The following RBM4 variants were observed in gnomAD, a reference collection of about 807,000 sequenced individuals.
RBM4 encodes the protein RNA-binding protein 4.
In RBM4, 7 loss-of-function variants were observed where a neutral mutation model predicts 29.5. That is an observed-to-expected ratio of 0.24 (90% CI 0.14 to 0.45). RBM4 has a LOEUF of 0.45. RBM4 is among the 20% of genes least tolerant of loss of function. RBM4 has a pLI of 1.00. For synonymous variants in RBM4, 220 were observed against 205.4 expected, an observed-to-expected ratio of 1.07 and a Z score of -0.61; for missense variants, 387 against 502.3, an observed-to-expected ratio of 0.77 and a Z score of 2.19.
intron 2 of RBM4, chr11:66,665,636 G>C: frequency 1.3e-6 from 2 of 1,534,984 alleles, no homozygotes. Context: ...GCCTGGCTCC[G>C]CGTACAAGCG....
At chr11:66,656,201 A>C (rs1019050808) in intron 2 of RBM4, among the ~76,000 whole-genome samples, 1 of 151,910 alleles carries the variant, frequency 6.6e-6, no homozygotes, top group Admixed American at 6.6e-5. Context: ...CAGTGGCACA[A>C]TCTCAGCTCA....
intron 2 of RBM4, among the ~76,000 whole-genome samples, chr11:66,655,909 T>A (rs1002057985): frequency 2.6e-5 from 4 of 152,112 alleles, no homozygotes; most frequent in African/African-American, 7.2e-5. Context: ...GTTTTTTTTT[T>A]AAACACCCTT....
At chr11:66,650,320 A>G (rs1298197351), downstream of RBM4, among the ~76,000 whole-genome samples, 1 of 152,222 alleles carries the variant, frequency 6.6e-6, no homozygotes, top group Non-Finnish European at 1.5e-5. Context: ...CTGTAATCCC[A>G]GCACTTTGGG....
intron 2 of RBM4, among the ~76,000 whole-genome samples, chr11:66,659,469 C>A (rs937108653): frequency 3.3e-5 from 5 of 151,624 alleles, no homozygotes; most frequent in Non-Finnish European, 5.9e-5. Context: ...AATTTAGAGA[C>A]GGGATTTCAC....
chr11:66,640,150 C>T, intron 2 of RBM4, 27 bp downstream of exon 2: 4 of 1,613,642 alleles, frequency 2.5e-6, no homozygotes, highest in South Asian at 1.1e-5. Context: ...GGGTAGAGGG[C>T]TGAACACAAG....
rs951148682 is a variant in RBM4, at chr11:66,646,034, G to A, written c.*16G>A. 29 of 1,536,056 alleles carry A rather than the reference G, an allele frequency of 1.9e-5. No homozygotes were observed. Among genetic ancestry groups the A allele is most frequent in the Non-Finnish European group, 2.3e-5 (26 of 1,146,928 alleles). On this transcript the variant is annotated 3_prime_UTR_variant, in exon 4 of 4. Coordinates refer to ENST00000310092, the MANE Select transcript of RBM4 (RefSeq NM_002896.4). Reference sequence around the variant, plus strand: ...TATTGTGCTCTCTTTCAGGTGGGATGTGTGTGGGCTGAAATTCCGAGCTGC... The same window carrying A: ...TATTGTGCTCTCTTTCAGGTGGGATATGTGTGGGCTGAAATTCCGAGCTGC...
At chr11:66,664,787 G>C (rs1939165853) in intron 2 of RBM4, among the ~76,000 whole-genome samples, 1 of 152,128 alleles carries the variant, frequency 6.6e-6, no homozygotes, top group Admixed American at 6.6e-5. Flanking sequence ...GGTAGAGACA[G>C]GGTTTCAACA....
Position 66,643,001 on chromosome 11 carries a change from C to CT in RBM4, c.413-445dup, listed in dbSNP as rs1938534374. Among the ~76,000 whole-genome samples, 1 of 152,108 alleles carries CT rather than the reference C, an allele frequency of 6.6e-6. No homozygotes were observed. Among genetic ancestry groups the CT allele is most frequent in the Admixed American group, 6.6e-5 (1 of 15,258 alleles). ...AATCATTGGAGTCTTTTATTCGGTTCTTTTAAATTTTTTGAGGAGGGTGGA... is the reference window on the plus strand; with the variant it reads ...AATCATTGGAGTCTTTTATTCGGTTCTTTTTAAATTTTTTGAGGAGGGTGGA... On this transcript the variant is annotated intron_variant, in intron 2 of 3. Coordinates refer to ENST00000310092, the MANE Select transcript of RBM4 (RefSeq NM_002896.4). The surrounding 1 kb of genome is among the most constrained non-coding windows in gnomAD (Gnocchi z 6.1).
Position 66,646,079 on chromosome 11 carries a change from C to G in RBM4, c.*61C>G, listed in dbSNP as rs755731119. 2.3e-5 allele frequency: 36 copies of G among 1,535,876 alleles called. No homozygotes were observed. In the East Asian group the frequency reaches 7.8e-4, roughly 33 times the overall value. On this transcript the variant is annotated 3_prime_UTR_variant, in exon 4 of 4. Coordinates refer to ENST00000310092, the MANE Select transcript of RBM4 (RefSeq NM_002896.4). ...AGCTGCGGTTGTGCATGAGAATACA[C>G]CCTTCGTGGTACCCCATCTCCGGGA...
chr11:66,644,109 CG>C lies in RBM4; in HGVS notation c.1075del (p.Ala359ArgfsTer9). The C allele has an allele frequency of 6.2e-7, 1 of 1,613,714 alleles. No individual in the cohort carries two copies. On this transcript the variant is annotated frameshift_variant, in exon 3 of 4. Transcript: ENST00000310092. LOFTEE classifies it high-confidence loss of function. ...GTATGAGCGGGAGCAGTATGCCGAT[CG>C]GGCGCGGTACTCAGCCTTTTAAAGC... The part of the protein sequence containing the change: ...ARYEREQYAD[R>X]ARYSAF
At chr11:66,641,973 GTTGC>G (rs1938485858) in intron 2 of RBM4, among the ~76,000 whole-genome samples, 1 of 152,204 alleles carries the variant, frequency 6.6e-6, no homozygotes, top group South Asian at 2.1e-4. Flanking sequence ...AATGTGCATA[GTTGC>G]TTGCTTAGTT....
At chr11:66,641,357 C>G (rs1379573449) in intron 2 of RBM4, among the ~76,000 whole-genome samples, 1 of 152,074 alleles carries the variant, frequency 6.6e-6, no homozygotes, top group Non-Finnish European at 1.5e-5. Flanking sequence ...ATCATTATTT[C>G]CCCTAGTAAT....
chr11:66,651,286 C>T (rs535976502), downstream of RBM4, among the ~76,000 whole-genome samples: 1 of 151,728 alleles, frequency 6.6e-6, no homozygotes, highest in African/African-American at 2.4e-5. Flanking sequence ...ATGGGAAGTC[C>T]CAGGACTCCC....
chr11:66,647,749 T>C (rs923687529), downstream of RBM4, among the ~76,000 whole-genome samples: 2 of 152,230 alleles, frequency 1.3e-5, no homozygotes, highest in African/African-American at 2.4e-5. Context: ...GTTTTAAGTG[T>C]TGGCGATACA....
chr11:66,643,405 A>G lies in RBM4; in HGVS notation c.413-45A>G, dbSNP rs752445936. 4 of 1,561,278 alleles carry G rather than the reference A, an allele frequency of 2.6e-6. No individual in the cohort carries two copies. Among genetic ancestry groups the G allele is most frequent in the East Asian group, 2.3e-5 (1 of 44,310 alleles). ...AGTGTCTGGGGTAGGGGCTGGGGCTATGACTAAGAGTGATAGCAACCCTTC... is the reference window on the plus strand; with the variant it reads ...AGTGTCTGGGGTAGGGGCTGGGGCTGTGACTAAGAGTGATAGCAACCCTTC... On this transcript the variant is annotated intron_variant, in intron 2 of 3. Transcript: ENST00000310092. The surrounding 1 kb of genome is among the most constrained non-coding windows in gnomAD (Gnocchi z 6.1).
intron 2 of RBM4, among the ~76,000 whole-genome samples, chr11:66,659,031 T>A (rs1939020885): frequency 1.3e-5 from 2 of 151,322 alleles, no homozygotes; most frequent in South Asian, 4.1e-4. Context: ...TAAAAATACA[T>A]TAAAATTTTT....
At chr11:66,649,379 C>A (rs1483413780), downstream of RBM4, among the ~76,000 whole-genome samples, 1 of 152,172 alleles carries the variant, frequency 6.6e-6, no homozygotes, top group Non-Finnish European at 1.5e-5. Flanking sequence ...GATCCCATTT[C>A]TAAGACAATT....
rs1325183589 is a variant in RBM4, at chr11:66,661,236, T to C, written c.413-4620T>C. Among the ~76,000 whole-genome samples the C allele has an allele frequency of 2.0e-5, 3 of 152,328 alleles. No homozygotes were observed. In the East Asian group the frequency reaches 5.8e-4, roughly 29 times the overall value. ...AGCTCTGGTCTGAAGAAAGCCGAGATTGATCTTCCAACAAACTGACAGCTC... is the reference window on the plus strand; with the variant it reads ...AGCTCTGGTCTGAAGAAAGCCGAGACTGATCTTCCAACAAACTGACAGCTC... On this transcript the variant is annotated intron_variant, in intron 2 of 2. Transcript: ENST00000396053.
chr11:66,651,124 G>A (rs1027120921), downstream of RBM4, among the ~76,000 whole-genome samples: 2 of 150,542 alleles, frequency 1.3e-5, no homozygotes, highest in African/African-American at 4.9e-5. Flanking sequence ...AGTAGACTCG[G>A]GGGGGGATGG....
Sources: gnomAD v4.1 joint callset for allele counts (sites outside exome capture counted in the v4.1 genomes callset) on GRCh38, gnomAD v4.1.1 for gene constraint, Gnocchi (gnomAD v3.1) non-coding constraint, MANE v1.5 for transcripts, NCBI Gene and HGNC (gene_info 2026-07-23, HGNC 2026-07-21) for gene names.